DMD: variants seen among roughly 807,000 people sequenced by gnomAD.
DMD encodes dystrophin, also known as mutant dystrophin.
In DMD, 63 loss-of-function variants were observed where a neutral mutation model predicts 330.1. That is an observed-to-expected ratio of 0.19 (90% CI 0.16 to 0.24). The LOEUF is 0.24. Among genes scored for constraint, DMD ranks in the 10% least tolerant of loss-of-function variants. DMD has a pLI of 1.00. For missense variants in DMD, 3,344 were observed against 2,684.1 expected, an observed-to-expected ratio of 1.25 and a Z score of -5.43; for synonymous variants, 1,223 against 959.8, an observed-to-expected ratio of 1.27 and a Z score of -5.07.
At chrX:32,199,780 TTGTGTG>T (rs35897988) in intron 44 of DMD, among the ~76,000 whole-genome samples, 85 of 84,137 alleles carry the variant, frequency 1.0e-3, no homozygotes, top group Middle Eastern at 5.6e-3. Context: ...CGCAAGGCTT[TTGTGTG>T]TGTGTGTGTG....
At chrX:31,325,560 G>C (rs2056729419) in intron 61 of DMD, among the ~76,000 whole-genome samples, 1 of 110,703 alleles carries the variant, frequency 9.0e-6, no homozygotes, top group South Asian at 3.9e-4. Flanking sequence ...GATGCAGTGA[G>C]CTGAAATCGC....
chrX:33,133,173 T>A (rs758458983), intron 1 of DMD, among the ~76,000 whole-genome samples: 1 of 111,334 alleles, frequency 9.0e-6, no homozygotes. Flanking sequence ...CTACAATAAT[T>A]GTTCTGAGAG....
chrX:32,205,779 T>G, intron 44 of DMD: 1 of 166,734 alleles, frequency 6.0e-6, no homozygotes, highest in Non-Finnish European at 1.1e-5. Flanking sequence ...TGTTCAGGTT[T>G]TCTAAGATAA....
chrX:31,168,999 G>C (rs748472742), intron 74 of DMD, among the ~76,000 whole-genome samples: 17 of 111,705 alleles, frequency 1.5e-4, no homozygotes, highest in Non-Finnish European at 3.0e-4. Context: ...ATTTGATGAT[G>C]AAAAATAAGA....
intron 4 of DMD, among the ~76,000 whole-genome samples, chrX:32,841,659 CTT>C (rs1310458825): frequency 8.9e-6 from 1 of 111,802 alleles, no homozygotes; most frequent in East Asian, 2.8e-4. Context: ...AATACTGAGT[CTT>C]AACCTATTCC....
At chrX:33,238,705 G>T (rs988205334) in intron 1 of DMD, among the ~76,000 whole-genome samples, 47 of 111,516 alleles carry the variant, frequency 4.2e-4, no homozygotes, top group African/African-American at 1.5e-3. Context: ...TTTGTCCAAA[G>T]CTATAACCGA....
intron 59 of DMD, among the ~76,000 whole-genome samples, chrX:31,461,279 C>T (rs1440241516): frequency 8.9e-6 from 1 of 112,158 alleles, no homozygotes; most frequent in East Asian, 2.8e-4. Context: ...AGTAGCTTTA[C>T]TATGGAATAT....
rs750866058 is a variant in DMD, at chrX:32,538,490, ACT to A, written c.2168+6667_2168+6668del. Among the ~76,000 whole-genome samples the A allele has an allele frequency of 7.6e-3, 831 of 109,151 alleles. 7 individuals carry two copies. Among genetic ancestry groups the A allele is most frequent in the Non-Finnish European group, 0.013 (700 of 52,464 alleles). The allele number at this position is 109,151 out of a possible 115,157, so 94.8% of individuals were successfully genotyped here. A position where few individuals can be genotyped will look rare whatever the true frequency, so the allele number is the denominator to read the frequency against. ...GCCCCACCCCTATCTCCCTTCCGTG[ACT>A]CTCTTTTCAGACTCAGCCTGCCTGC... On this transcript the variant is annotated intron_variant, in intron 17 of 78. Coordinates refer to ENST00000357033, the MANE Select transcript of DMD (RefSeq NM_004006.3).
chrX:32,653,125 G>T (rs951121087), intron 9 of DMD, among the ~76,000 whole-genome samples: 6 of 111,698 alleles, frequency 5.4e-5, no homozygotes, highest in African/African-American at 2.0e-4. Context: ...TCACTATGAT[G>T]GTAGTTTCTT....
chrX:33,197,441 G>GGTGT (rs370111253), intron 1 of DMD, among the ~76,000 whole-genome samples: 1 of 109,327 alleles, frequency 9.1e-6, no homozygotes, highest in African/African-American at 3.3e-5. Flanking sequence ...GTGTGACTCT[G>GGTGT]GTGTGTGTGT....
intron 4 of DMD, among the ~76,000 whole-genome samples, chrX:32,839,912 T>C (rs981995355): frequency 1.8e-5 from 2 of 111,286 alleles, no homozygotes; most frequent in Non-Finnish European, 3.8e-5. Context: ...GGTTTCACCA[T>C]GTTGGCCAGG....
intron 51 of DMD, among the ~76,000 whole-genome samples, chrX:31,771,340 G>A (rs1437833937): frequency 1.8e-5 from 2 of 109,838 alleles, no homozygotes; most frequent in Non-Finnish European, 3.8e-5. Context: ...GCAAGCAAGA[G>A]AAGGGAGATT....
chrX:31,173,503 A>T (rs2148226241), intron 72 of DMD, 36 bp downstream of exon 72: 1 of 1,176,639 alleles, frequency 8.5e-7, no homozygotes, highest in Non-Finnish European at 1.2e-6. Flanking sequence ...TAGTTATTTC[A>T]ATCAATATTT....
intron 43 of DMD, among the ~76,000 whole-genome samples, chrX:32,235,712 G>A (rs1413906528): frequency 9.0e-6 from 1 of 110,746 alleles, no homozygotes; most frequent in Non-Finnish European, 1.9e-5. Flanking sequence ...ATGTACAAAA[G>A]GTAAATAAAA....
chrX:32,175,723 T>C (rs927991071), intron 44 of DMD, among the ~76,000 whole-genome samples: 3 of 111,285 alleles, frequency 2.7e-5, no homozygotes, highest in Non-Finnish European at 5.7e-5. Context: ...TCAGGTGCTT[T>C]TGAAGTTGTT....
intron 30 of DMD, among the ~76,000 whole-genome samples, chrX:32,406,826 C>T (rs769005067): frequency 3.1e-4 from 34 of 111,344 alleles, no homozygotes; most frequent in African/African-American, 1.1e-3. Context: ...TGCCACATAT[C>T]TACAACTATC....
At chrX:33,268,135 G>A (rs955904779) in intron 1 of DMD, among the ~76,000 whole-genome samples, 2 of 109,468 alleles carry the variant, frequency 1.8e-5, no homozygotes, top group African/African-American at 3.3e-5. Flanking sequence ...GATTACAGGC[G>A]TCTGCCACCA....
intron 62 of DMD, among the ~76,000 whole-genome samples, chrX:31,290,925 C>T (rs1030057920): frequency 1.8e-5 from 2 of 111,676 alleles, no homozygotes; most frequent in South Asian, 7.5e-4. Context: ...TTTGGAATGT[C>T]CACAAGACAC....
intron 55 of DMD, among the ~76,000 whole-genome samples, chrX:31,605,025 C>T (rs1025076422): frequency 9.0e-6 from 1 of 111,673 alleles, no homozygotes; most frequent in Non-Finnish European, 1.9e-5. Flanking sequence ...AAATGTTATA[C>T]AGAAATGAGA....
Sources: gnomAD v4.1 joint callset for allele counts (sites outside exome capture counted in the v4.1 genomes callset) on GRCh38, gnomAD v4.1.1 for gene constraint, MANE v1.5 for transcripts, NCBI Gene and HGNC (gene_info 2026-07-23, HGNC 2026-07-21) for gene names.